TTBK2: variants seen among roughly 807,000 people sequenced by gnomAD.
TTBK2 encodes tau-tubulin kinase 2.
Under a neutral mutation model 110.8 loss-of-function variants are expected in TTBK2, and 28 were observed. The observed-to-expected ratio is 0.25, with a 90% CI of 0.19 to 0.35. The LOEUF is 0.35. Ranked by LOEUF, TTBK2 falls within the 10% of genes least tolerant of loss-of-function variation. The probability of loss-of-function intolerance (pLI) is 1.00; values close to 1 mark genes in which losing one functional copy is unlikely to be tolerated. For synonymous variants in TTBK2, 532 were observed against 527.3 expected, an observed-to-expected ratio of 1.01 and a Z score of -0.12; for missense variants, 1,369 against 1,500.3, an observed-to-expected ratio of 0.91 and a Z score of 1.45.
chr15:42,902,476 T>C (rs779353657), intron 1 of TTBK2, among the ~76,000 whole-genome samples: 21 of 152,234 alleles, frequency 1.4e-4, no homozygotes, highest in Admixed American at 2.6e-4. Context: ...GCCGAGATTG[T>C]GCCATTGCAC....
intron 12 of TTBK2, among the ~76,000 whole-genome samples, chr15:42,776,379 CTT>C (rs1474891027): frequency 6.6e-6 from 1 of 152,248 alleles, no homozygotes; most frequent in Non-Finnish European, 1.5e-5. Context: ...ATATCCCACA[CTT>C]TTTTCATTTC....
At chr15:42,790,494 A>T (rs1298781378) in intron 10 of TTBK2, among the ~76,000 whole-genome samples, 1 of 151,966 alleles carries the variant, frequency 6.6e-6, no homozygotes, top group Non-Finnish European at 1.5e-5. Flanking sequence ...CATGTTGCCC[A>T]GGATGGTCTC....
intron 11 of TTBK2, among the ~76,000 whole-genome samples, chr15:42,782,834 G>A (rs963872044): frequency 2.0e-5 from 3 of 151,918 alleles, no homozygotes; most frequent in Non-Finnish European, 2.9e-5. Flanking sequence ...TCATTCTCTC[G>A]CATACACGGA....
intron 13 of TTBK2, among the ~76,000 whole-genome samples, chr15:42,757,906 T>C (rs963916769): frequency 9.9e-5 from 15 of 152,236 alleles, no homozygotes; most frequent in African/African-American, 3.6e-4. Context: ...TTCTTAGTTC[T>C]ATTAGTGCCT....
chr15:42,876,452 G>A (rs902543984), intron 2 of TTBK2, among the ~76,000 whole-genome samples: 1 of 152,080 alleles, frequency 6.6e-6, no homozygotes, highest in African/African-American at 2.4e-5. Flanking sequence ...ACTCATGTCT[G>A]ACTTACATAA....
intron 13 of TTBK2, among the ~76,000 whole-genome samples, chr15:42,754,542 G>C (rs1178299433): frequency 6.6e-6 from 1 of 151,386 alleles, no homozygotes; most frequent in Non-Finnish European, 1.5e-5. Flanking sequence ...GATTACAGGT[G>C]CCCACCACTA....
intron 3 of TTBK2, among the ~76,000 whole-genome samples, chr15:42,850,300 C>T (rs532402019): frequency 5.3e-5 from 8 of 152,304 alleles, no homozygotes; most frequent in East Asian, 3.9e-4. Flanking sequence ...CTTCTCTCGA[C>T]GCATTTTCTG....
chr15:42,868,643 GC>G (rs1894481597), intron 3 of TTBK2, among the ~76,000 whole-genome samples: 2 of 150,484 alleles, frequency 1.3e-5, no homozygotes, highest in African/African-American at 4.9e-5. Context: ...GACTGCTTGA[GC>G]CCAGGAATTT....
At chr15:42,818,943 AAAAC>A (rs912114085) in intron 6 of TTBK2, among the ~76,000 whole-genome samples, 2 of 149,960 alleles carry the variant, frequency 1.3e-5, no homozygotes, top group African/African-American at 4.9e-5. Flanking sequence ...AACAAAAAAC[AAAAC>A]AAACAAACAA....
intron 13 of TTBK2, among the ~76,000 whole-genome samples, chr15:42,771,341 T>C (rs1012183106): frequency 4.6e-5 from 7 of 152,002 alleles, no homozygotes; most frequent in East Asian, 1.9e-4. Context: ...GTTGAGAAAA[T>C]AAAGATATCC....
At chr15:42,763,115 TATACACATATATATACATATATAC>T (rs1287597261) in intron 13 of TTBK2, among the ~76,000 whole-genome samples, 6 of 113,460 alleles carry the variant, frequency 5.3e-5, no homozygotes, top group African/African-American at 2.4e-4. Context: ...TATATATATA[TATACACATATATATACATATATAC>T]ATACATATAT....
At position 42,799,781 on chromosome 15, in the gene TTBK2, C is replaced by T. The variant is rs144146752; in HGVS notation, c.823-4980G>A. ...CCACTGTGTGGATTATTTGTGTCAACCCCTCTTCTACTTGCACTTATGAAT... is the reference window on the plus strand; with the variant it reads ...CCACTGTGTGGATTATTTGTGTCAATCCCTCTTCTACTTGCACTTATGAAT... On this transcript the variant is annotated intron_variant, in intron 9 of 14. Coordinates refer to ENST00000267890, the MANE Select transcript of TTBK2 (RefSeq NM_173500.4). Among the ~76,000 whole-genome samples, 529 of 152,168 alleles carry T rather than the reference C, an allele frequency of 3.5e-3. 2 individuals carry two copies. Among genetic ancestry groups the T allele is most frequent in the African/African-American group, 0.012 (504 of 41,510 alleles).
At chr15:42,791,131 G>A (rs181213287) in intron 10 of TTBK2, among the ~76,000 whole-genome samples, 28 of 151,978 alleles carry the variant, frequency 1.8e-4, no homozygotes, top group African/African-American at 5.5e-4. Context: ...TGATCCGCCC[G>A]CCTTGGCCTC....
chr15:42,871,312 A>G (rs1235305579), intron 3 of TTBK2: 2 of 308,860 alleles, frequency 6.5e-6, no homozygotes, highest in Admixed American at 6.5e-5. Flanking sequence ...GCTAGCATCC[A>G]AGGGTCTCTA....
chr15:42,915,867 A>T (rs888644921), intron 1 of TTBK2, among the ~76,000 whole-genome samples: 2 of 152,078 alleles, frequency 1.3e-5, no homozygotes, highest in Admixed American at 1.3e-4. Context: ...GGACTGCCTG[A>T]TCCCAGGAGG....
At chr15:42,790,153 T>A (rs749784156) in intron 10 of TTBK2, among the ~76,000 whole-genome samples, 3 of 152,176 alleles carry the variant, frequency 2.0e-5, no homozygotes, top group Non-Finnish European at 2.9e-5. Flanking sequence ...AAGACCTATA[T>A]GTTAAGACCT....
At chr15:42,767,454 C>T (rs1239320967) in intron 13 of TTBK2, among the ~76,000 whole-genome samples, 2 of 152,160 alleles carry the variant, frequency 1.3e-5, no homozygotes, top group Non-Finnish European at 2.9e-5. Flanking sequence ...AACAGAAATA[C>T]AAACTACCAT....
intron 9 of TTBK2, chr15:42,802,083 C>A: frequency 1.4e-6 from 2 of 1,463,550 alleles, no homozygotes; most frequent in Non-Finnish European, 1.9e-6. Context: ...GCTCCAGGAA[C>A]CGTACCTTGT....
chr15:42,740,318 C>T lies in TTBK2; in HGVS notation c.*5477G>A, dbSNP rs1230599516. On this transcript the variant is annotated 3_prime_UTR_variant, in exon 15 of 15. Coordinates refer to ENST00000267890, the MANE Select transcript of TTBK2 (RefSeq NM_173500.4). ...CTTAAGACCAAAGATCCAGCAAAGT[C>T]TAAGGAAATATCCTAATCATTACTG... is the stretch of plus-strand genomic sequence containing the variant. 1 of 152,210 alleles carries T rather than the reference C, an allele frequency of 6.6e-6. No individual in the cohort carries two copies. Among genetic ancestry groups the T allele is most frequent in the Non-Finnish European group, 1.5e-5 (1 of 68,030 alleles). 9.4% of individuals were successfully genotyped at this position (152,210 alleles called of 1,614,324 possible).
Sources: allele counts gnomAD v4.1 joint callset (sites outside exome capture counted in the v4.1 genomes callset), GRCh38; gene constraint gnomAD v4.1.1; transcripts MANE v1.5; gene names NCBI Gene and HGNC (gene_info 2026-07-23, HGNC 2026-07-21).